GPT2: variants seen among roughly 807,000 people sequenced by gnomAD.
GPT2 encodes the protein alanine aminotransferase 2.
A neutral mutation model predicts 56.9 loss-of-function variants in GPT2; 30 were observed. The ratio of observed to expected loss-of-function variants is 0.53; its 90% CI spans 0.39 to 0.72. The LOEUF is 0.72. Ranked by LOEUF, GPT2 falls within the 30% of genes least tolerant of loss-of-function variation. GPT2 has a pLI of 0.00. For synonymous variants in GPT2, 271 were observed against 283.1 expected, an observed-to-expected ratio of 0.96 and a Z score of 0.43; for missense variants, 542 against 703.4, an observed-to-expected ratio of 0.77 and a Z score of 2.60.
intron 3 of GPT2, among the ~76,000 whole-genome samples, chr16:46,898,290 G>A (rs569227983): frequency 6.6e-6 from 1 of 152,320 alleles, no homozygotes; most frequent in Non-Finnish European, 1.5e-5. Flanking sequence ...GACGGCCACT[G>A]TGAGCCGCTG....
chr16:46,892,494 T>C (rs535334358), intron 2 of GPT2, among the ~76,000 whole-genome samples: 1 of 152,324 alleles, frequency 6.6e-6, no homozygotes, highest in South Asian at 2.1e-4. Flanking sequence ...TTTTAATTTT[T>C]CGAGGAACCT....
intron 10 of GPT2, among the ~76,000 whole-genome samples, chr16:46,925,615 G>A (rs1176631791): frequency 6.6e-6 from 1 of 152,090 alleles, no homozygotes; most frequent in Non-Finnish European, 1.5e-5. Context: ...AGGATCATTT[G>A]AGCCCAGGAG....
chr16:46,897,820 C>T (rs968870279), intron 3 of GPT2, 83 bp downstream of exon 3: 9 of 1,186,956 alleles, frequency 7.6e-6, no homozygotes, highest in East Asian at 2.4e-5. Flanking sequence ...CCTCTGCCCC[C>T]TCGATGTCCA....
At chr16:46,907,087 G>A (rs1168457887) in intron 5 of GPT2, 112 bp downstream of exon 5, 2 of 1,433,260 alleles carry the variant, frequency 1.4e-6, no homozygotes, top group Non-Finnish European at 1.9e-6. Context: ...CAGCACGGGT[G>A]GCCACCCTCT....
intron 3 of GPT2, among the ~76,000 whole-genome samples, chr16:46,898,903 C>CATATATATGTGT (rs1960743400): frequency 7.6e-6 from 1 of 131,278 alleles, no homozygotes; most frequent in Non-Finnish European, 1.6e-5. Flanking sequence ...TATATATACA[C>CATATATATGTGT]ATATATATAC....
Position 46,927,025 on chromosome 16 carries a change from C to T in GPT2, c.1469C>T (p.Thr490Ile). Residue 490 changes from threonine to isoleucine, a missense_variant, in exon 11 of 12, where the codon ACT becomes ATT. Physicochemically the swap from Thr to Ile is moderately conservative, Grantham distance 89. Coordinates refer to ENST00000340124, the MANE Select transcript of GPT2 (RefSeq NM_133443.4). The stretch of plus-strand genomic sequence containing the variant: ...AGTGGCTTTGGGCAGAGGGAAGGCA[C>T]TTACCACTTCAGGTATGACTTCCTC... ...PGSGFGQREG[T>I]YHFRMTILPP... 6.3e-7 allele frequency: 1 copy of T among 1,597,676 alleles called. No individual in the cohort carries two copies. The highest frequency in any genetic ancestry group is 1.3e-5 in the African/African-American group (1 of 74,240).
chr16:46,890,542 C>T (rs1960566754), intron 2 of GPT2, among the ~76,000 whole-genome samples: 1 of 152,204 alleles, frequency 6.6e-6, no homozygotes, highest in Non-Finnish European at 1.5e-5. Context: ...ATCCTTTCTG[C>T]CCACAGGCCA....
chr16:46,914,815 T>G (rs549510147), intron 6 of GPT2, among the ~76,000 whole-genome samples: 1 of 152,298 alleles, frequency 6.6e-6, no homozygotes, highest in Admixed American at 6.5e-5. Context: ...CTTCACCCGG[T>G]GGCCACAGCC....
At chr16:46,909,979 C>A (rs749749726) in intron 6 of GPT2, 52 bp downstream of exon 6, 1 of 1,526,412 alleles carries the variant, frequency 6.6e-7, no homozygotes, top group African/African-American at 1.4e-5. Context: ...GTGGCTGATA[C>A]ACTGGCTGTC....
At chr16:46,894,823 G>A (rs1567333730) in intron 2 of GPT2, among the ~76,000 whole-genome samples, 2 of 152,100 alleles carry the variant, frequency 1.3e-5, no homozygotes, top group African/African-American at 4.8e-5. Context: ...CCGCCCCCAC[G>A]CCTGGCTAAG....
chr16:46,909,313 A>G (rs1467911944), intron 5 of GPT2, among the ~76,000 whole-genome samples: 3 of 152,168 alleles, frequency 2.0e-5, no homozygotes, highest in Middle Eastern at 3.4e-3. Flanking sequence ...GAAAAATAAT[A>G]TTTTTAAATT....
At chr16:46,924,313 T>C (rs536798264) in intron 9 of GPT2, 76 bp from the exon 10 acceptor site, 4 of 1,519,502 alleles carry the variant, frequency 2.6e-6, no homozygotes, top group Admixed American at 3.4e-5. Context: ...CCGCAAGTGC[T>C]GCAGGAAAGA....
intron 6 of GPT2, among the ~76,000 whole-genome samples, chr16:46,913,481 A>C (rs1451700683): frequency 6.6e-6 from 1 of 152,150 alleles, no homozygotes. Flanking sequence ...GGGGCCTGCC[A>C]CCCTCCTGGC....
chr16:46,890,047 C>T (rs1960557034), intron 2 of GPT2, among the ~76,000 whole-genome samples: 1 of 152,232 alleles, frequency 6.6e-6, no homozygotes, highest in Non-Finnish European at 1.5e-5. Context: ...GCCCAGAGTT[C>T]AGGGGCCTAC....
chr16:46,910,036 C>T (rs1350967053), intron 6 of GPT2, 109 bp downstream of exon 6: 3 of 1,391,282 alleles, frequency 2.2e-6, no homozygotes, highest in Non-Finnish European at 2.9e-6. Flanking sequence ...CCCCTAGTTT[C>T]CCTTCCAGAT....
At position 46,897,637 on chromosome 16, in the gene GPT2, T is replaced by TC; in HGVS notation, c.244-10dup. 1 of 1,613,508 alleles carries TC rather than the reference T, an allele frequency of 6.2e-7. No individual in the cohort carries two copies. Among genetic ancestry groups the TC allele is most frequent in the Non-Finnish European group, 8.5e-7 (1 of 1,179,500 alleles). The stretch of plus-strand genomic sequence containing the variant: ...TTCTAAGTAACCACCTGTTGCTTTC[T>TC]CTCTGCCCAGGGTATCAAAAAGCCA... On this transcript the variant is annotated splice_polypyrimidine_tract_variant and intron_variant, in intron 2 of 11. Transcript: ENST00000340124.
chr16:46,923,131 C>G (rs1961328461), intron 9 of GPT2, among the ~76,000 whole-genome samples: 1 of 152,154 alleles, frequency 6.6e-6, no homozygotes, highest in African/African-American at 2.4e-5. Context: ...CTACCCCCTT[C>G]TCTCTGCACT....
At chr16:46,884,985 G>A (rs959894929) in intron 2 of GPT2, 27 bp downstream of exon 2, 5 of 1,444,024 alleles carry the variant, frequency 3.5e-6, no homozygotes, top group Non-Finnish European at 4.6e-6. Flanking sequence ...CCCCGGGGAG[G>A]CTGGGGCCGC....
At chr16:46,899,564 G>A (rs1960776709) in intron 3 of GPT2, among the ~76,000 whole-genome samples, 1 of 152,214 alleles carries the variant, frequency 6.6e-6, no homozygotes, top group African/African-American at 2.4e-5. Flanking sequence ...CACAGCCACT[G>A]CTGCTGACCC....
Sources: allele counts gnomAD v4.1 joint callset (sites outside exome capture counted in the v4.1 genomes callset), GRCh38; gene constraint gnomAD v4.1.1; transcripts MANE v1.5; gene names NCBI Gene and HGNC (gene_info 2026-07-23, HGNC 2026-07-21).